PLPPR1: variants seen among roughly 807,000 people sequenced by gnomAD.
The protein encoded by PLPPR1 is phospholipid phosphatase-related protein type 1.
A neutral mutation model predicts 33.1 loss-of-function variants in PLPPR1; 10 were observed. The observed-to-expected ratio is 0.30, with a 90% CI of 0.19 to 0.51. The LOEUF is 0.51. Ranked by LOEUF, PLPPR1 falls within the 20% of genes least tolerant of loss-of-function variation. The pLI is 0.97. For synonymous variants in PLPPR1, 151 were observed against 151.0 expected (o/e 1.00, Z 0.00); for missense variants, 304 against 408.1 (o/e 0.74, Z 2.20).
chr9:101,181,425 A>G (rs1826108132), intron 1 of PLPPR1, among the ~76,000 whole-genome samples: 2 of 151,034 alleles, frequency 1.3e-5, no homozygotes, highest in African/African-American at 4.8e-5. Flanking sequence ...AAAACTAAGT[A>G]TATAATTTAT....
intron 1 of PLPPR1, among the ~76,000 whole-genome samples, chr9:101,129,521 C>G (rs1317694696): frequency 6.6e-6 from 1 of 152,102 alleles, no homozygotes; most frequent in Non-Finnish European, 1.5e-5. Context: ...TCCACACACT[C>G]AGCAATAGCA....
intron 2 of PLPPR1, among the ~76,000 whole-genome samples, chr9:101,203,249 TA>T (rs1826524249): frequency 6.6e-6 from 1 of 152,198 alleles, no homozygotes; most frequent in Non-Finnish European, 1.5e-5. Context: ...GATGGAGCAA[TA>T]AAAGTATTAG....
At chr9:101,269,259 C>G (rs970245206) in intron 2 of PLPPR1, among the ~76,000 whole-genome samples, 1 of 152,014 alleles carries the variant, frequency 6.6e-6, no homozygotes, top group African/African-American at 2.4e-5. Flanking sequence ...CGATCATCAG[C>G]AAAGTCCTTG....
chr9:101,169,800 A>G (rs1021541004), intron 1 of PLPPR1, among the ~76,000 whole-genome samples: 1 of 152,010 alleles, frequency 6.6e-6, no homozygotes, highest in Non-Finnish European at 1.5e-5. Flanking sequence ...TCTCTTTTCA[A>G]TTTTATATTT....
intron 1 of PLPPR1, among the ~76,000 whole-genome samples, chr9:101,033,359 T>C (rs73656424): frequency 0.028 from 4,220 of 152,270 alleles, 182 homozygotes; most frequent in East Asian, 0.15. Flanking sequence ...GTAAAAGGCT[T>C]AATGCTGTTT....
intron 2 of PLPPR1, among the ~76,000 whole-genome samples, chr9:101,260,108 A>G (rs114035372): frequency 4.3e-4 from 66 of 152,232 alleles, no homozygotes; most frequent in African/African-American, 1.4e-3. Context: ...CACTGAGGCC[A>G]GGAGAGAGAG....
intron 1 of PLPPR1, among the ~76,000 whole-genome samples, chr9:101,107,873 C>G (rs1287774910): frequency 6.6e-6 from 1 of 151,324 alleles, no homozygotes; most frequent in Non-Finnish European, 1.5e-5. Flanking sequence ...TTAAGCCGGT[C>G]TGAAAAGCAC....
At chr9:101,273,139 A>G (rs1245973143) in intron 3 of PLPPR1, among the ~76,000 whole-genome samples, 2 of 152,188 alleles carry the variant, frequency 1.3e-5, no homozygotes, top group Non-Finnish European at 2.9e-5. Context: ...TATTGTGGGT[A>G]AGATCTTTTT....
chr9:101,212,728 C>T (rs1328884445), intron 2 of PLPPR1, among the ~76,000 whole-genome samples: 2 of 152,118 alleles, frequency 1.3e-5, no homozygotes, highest in African/African-American at 4.8e-5. Flanking sequence ...AGGAAGTTGT[C>T]TTCTTTGAAT....
At chr9:101,305,595 C>T (rs1828844418) in intron 4 of PLPPR1, among the ~76,000 whole-genome samples, 2 of 152,196 alleles carry the variant, frequency 1.3e-5, no homozygotes, top group African/African-American at 4.8e-5. Flanking sequence ...CTGTTGCATG[C>T]ATCTAGGCTT....
intron 1 of PLPPR1, among the ~76,000 whole-genome samples, chr9:101,099,198 C>A (rs56262403): frequency 0.053 from 8,080 of 151,990 alleles, 572 homozygotes; most frequent in East Asian, 0.26. Context: ...TGCAAACAAA[C>A]CAGCAACAGC....
chr9:101,266,917 TTCCTACGAAAGAGGAAGC>T (rs1828008950), intron 2 of PLPPR1, among the ~76,000 whole-genome samples: 1 of 152,230 alleles, frequency 6.6e-6, no homozygotes, highest in Non-Finnish European at 1.5e-5. Flanking sequence ...TACAATCCTC[TTCCTACGAAAGAGGAAGC>T]TAGATGTCAT....
intron 2 of PLPPR1, among the ~76,000 whole-genome samples, chr9:101,244,809 T>C (rs1346744041): frequency 1.3e-5 from 2 of 151,894 alleles, no homozygotes; most frequent in Non-Finnish European, 2.9e-5. Flanking sequence ...CTGGGAAAAT[T>C]TGTTAATATG....
chr9:101,099,041 C>T (rs1830858800), intron 1 of PLPPR1, among the ~76,000 whole-genome samples: 1 of 151,546 alleles, frequency 6.6e-6, no homozygotes, highest in South Asian at 2.1e-4. Context: ...CTCGGAAAGT[C>T]ACTCAATCCC....
At chr9:101,211,130 G>A (rs922169821) in intron 2 of PLPPR1, among the ~76,000 whole-genome samples, 1 of 152,150 alleles carries the variant, frequency 6.6e-6, no homozygotes, top group East Asian at 1.9e-4. Context: ...TGAAATTAAT[G>A]TTCAGAAAAG....
intron 1 of PLPPR1, among the ~76,000 whole-genome samples, chr9:101,156,590 AAAAAGAAAT>A (rs1253943053): frequency 2.0e-5 from 3 of 151,508 alleles, no homozygotes; most frequent in Non-Finnish European, 4.4e-5. Flanking sequence ...AAGAAAGAAA[AAAAAGAAAT>A]AGCTGCAGAA....
intron 6 of PLPPR1, among the ~76,000 whole-genome samples, chr9:101,316,528 G>C (rs2118965665): frequency 6.6e-6 from 1 of 151,094 alleles, no homozygotes; most frequent in South Asian, 2.1e-4. Context: ...TACAGGGTTT[G>C]AAGAGTAGCA....
intron 2 of PLPPR1, among the ~76,000 whole-genome samples, chr9:101,231,105 C>T (rs999557788): frequency 2.0e-5 from 3 of 151,934 alleles, no homozygotes; most frequent in Non-Finnish European, 4.4e-5. Flanking sequence ...TCCAAGCTTA[C>T]ACAGCCATTT....
chr9:101,201,768 C>T (rs542358097), intron 2 of PLPPR1, among the ~76,000 whole-genome samples: 5 of 152,250 alleles, frequency 3.3e-5, no homozygotes, highest in Admixed American at 3.3e-4. Flanking sequence ...TTTTATTCAA[C>T]TTGCTCTATT....
Sources: allele counts gnomAD v4.1 joint callset (sites outside exome capture counted in the v4.1 genomes callset), GRCh38; gene constraint gnomAD v4.1.1; transcripts MANE v1.5; gene names NCBI Gene and HGNC (gene_info 2026-07-23, HGNC 2026-07-21).